Variants in KCNAB1 observed in about 807,000 individuals in gnomAD.
The protein encoded by KCNAB1 is potassium voltage-gated channel subfamily A regulatory beta subunit 1, also known as voltage-gated potassium channel subunit beta-1.
KCNAB1 carries 35 observed loss-of-function variants against 64.6 expected under a neutral mutation model. That is an observed-to-expected ratio of 0.54 (90% CI 0.41 to 0.72). KCNAB1 has a LOEUF of 0.72. Ranked by LOEUF, KCNAB1 falls within the 30% of genes least tolerant of loss-of-function variation. The pLI is 0.00. For missense variants in KCNAB1, 401 were observed against 512.9 expected, an observed-to-expected ratio of 0.78 and a Z score of 2.11; for synonymous variants, 177 against 183.8, an observed-to-expected ratio of 0.96 and a Z score of 0.30.
chr3:156,307,089 T>G (rs1292571361), intron 1 of KCNAB1, among the ~76,000 whole-genome samples: 1 of 152,250 alleles, frequency 6.6e-6, no homozygotes, highest in Non-Finnish European at 1.5e-5. Flanking sequence ...ACATGTCATA[T>G]GTCTTGCTAC....
At chr3:156,471,485 C>G (rs1308889136) in intron 7 of KCNAB1, among the ~76,000 whole-genome samples, 1 of 152,198 alleles carries the variant, frequency 6.6e-6, no homozygotes, top group Non-Finnish European at 1.5e-5. Flanking sequence ...TCCTGCTTCT[C>G]CTGTTTTCCT....
intron 1 of KCNAB1, among the ~76,000 whole-genome samples, chr3:156,410,044 A>T (rs1714536343): frequency 6.6e-6 from 1 of 152,222 alleles, no homozygotes; most frequent in African/African-American, 2.4e-5. Flanking sequence ...GAAAACAAAC[A>T]AAAAACAGAA....
intron 1 of KCNAB1, among the ~76,000 whole-genome samples, chr3:156,297,816 G>A (rs944314427): frequency 1.1e-4 from 16 of 151,974 alleles, no homozygotes; most frequent in South Asian, 2.1e-4. Context: ...GCAAGTCTCC[G>A]TATGGGGAAA....
chr3:156,397,285 C>T (rs935762797), intron 1 of KCNAB1, among the ~76,000 whole-genome samples: 8 of 152,272 alleles, frequency 5.3e-5, no homozygotes, highest in African/African-American at 1.7e-4. Flanking sequence ...ACATGTGTTG[C>T]TTATTGGGAG....
chr3:156,411,136 C>T (rs1714630061), intron 1 of KCNAB1, among the ~76,000 whole-genome samples: 1 of 152,076 alleles, frequency 6.6e-6, no homozygotes, highest in Admixed American at 6.6e-5. Context: ...CTTACACTTT[C>T]TAATAAGTAT....
intron 2 of KCNAB1, among the ~76,000 whole-genome samples, chr3:156,426,713 G>T (rs1715847088): frequency 6.6e-6 from 1 of 152,142 alleles, no homozygotes; most frequent in Non-Finnish European, 1.5e-5. Flanking sequence ...ATGTCATATA[G>T]TTGAATCATA....
chr3:156,501,542 G>A (rs145041272), intron 8 of KCNAB1, among the ~76,000 whole-genome samples: 35 of 147,462 alleles, frequency 2.4e-4, no homozygotes, highest in Non-Finnish European at 3.0e-4. Context: ...AGGGATTCTC[G>A]TGCCTGAGCC....
At chr3:156,443,762 ACACACACACACACACAC>A (rs1017502811) in intron 2 of KCNAB1, among the ~76,000 whole-genome samples, 2 of 151,258 alleles carry the variant, frequency 1.3e-5, no homozygotes, top group African/African-American at 4.9e-5. Flanking sequence ...ACACACACAC[ACACACACACACACACAC>A]ACTATTCTTT....
At chr3:156,425,984 A>G (rs1404383351) in intron 2 of KCNAB1, among the ~76,000 whole-genome samples, 1 of 152,120 alleles carries the variant, frequency 6.6e-6, no homozygotes, top group Non-Finnish European at 1.5e-5. Flanking sequence ...CTCCAGAGGG[A>G]GACTCCACCG....
chr3:156,417,399 C>G (rs940136654), intron 1 of KCNAB1, among the ~76,000 whole-genome samples: 12 of 152,158 alleles, frequency 7.9e-5, no homozygotes, highest in Admixed American at 7.9e-4. Flanking sequence ...CTGCTGGAGC[C>G]CCTTGCATAT....
chr3:156,120,501 G>C (rs1461170321), upstream of KCNAB1: 7 of 1,236,120 alleles, frequency 5.7e-6, no homozygotes, highest in Non-Finnish European at 8.1e-6. Context: ...GGCAGGATAA[G>C]GTTAAGAGAG....
chr3:156,278,212 A>G lies in KCNAB1; in HGVS notation c.276-143404A>G, dbSNP rs780137706. On this transcript the variant is annotated intron_variant, in intron 1 of 13. Coordinates refer to ENST00000490337, the MANE Select transcript of KCNAB1 (RefSeq NM_172160.3). ...TAATAATGGCTTTTCTCACCCGAAG[A>G]AGATGAACAAATTTGAACAGAAACA... Among the ~76,000 whole-genome samples the G allele has an allele frequency of 4.8e-4, 73 of 152,220 alleles. 1 individual carries two copies. The highest frequency in any genetic ancestry group is 1.5e-4 in the Non-Finnish European group (10 of 68,036).
intron 2 of KCNAB1, among the ~76,000 whole-genome samples, chr3:156,434,287 A>G (rs1356627238): frequency 6.6e-6 from 1 of 152,222 alleles, no homozygotes; most frequent in Non-Finnish European, 1.5e-5. Flanking sequence ...GAGGGTTGAG[A>G]ATAGAGGTGG....
intron 1 of KCNAB1, among the ~76,000 whole-genome samples, chr3:156,362,636 T>C (rs1725685666): frequency 1.3e-5 from 2 of 152,230 alleles, no homozygotes; most frequent in Admixed American, 1.3e-4. Context: ...CTTAGAACAG[T>C]GTGGGACACA....
chr3:156,457,453 G>T lies in KCNAB1; in HGVS notation c.358G>T (p.Val120Phe), dbSNP rs1712527651. Residue 120 changes from valine to phenylalanine, a missense_variant and splice_region_variant, in exon 4 of 14, where the codon GTT (valine) becomes TTT (phenylalanine). Coordinates refer to ENST00000490337, the MANE Select transcript of KCNAB1 (RefSeq NM_172160.3). ...GAGTGACCTTTCTCTCCCCTTGCAG[G>T]TTGCTGAACGGCTGATGACCATCGC... ...VTFGGQISDE[V>F]AERLMTIAYE... 6.2e-7 allele frequency: 1 copy of T among 1,613,806 alleles called. No homozygotes were observed. Among genetic ancestry groups the T allele is most frequent in the South Asian group, 1.1e-5 (1 of 91,064 alleles).
chr3:156,126,212 G>A (rs1292489250), intron 1 of KCNAB1, among the ~76,000 whole-genome samples: 2 of 152,158 alleles, frequency 1.3e-5, no homozygotes, highest in East Asian at 1.9e-4. Context: ...TTTCTTGCAG[G>A]CTGGATCTGG....
At chr3:156,504,742 G>GT (rs796618812) in intron 8 of KCNAB1, among the ~76,000 whole-genome samples, 4,692 of 81,224 alleles carry the variant, frequency 0.058, 184 homozygotes, top group African/African-American at 0.12. Flanking sequence ...TTTTGTTTTT[G>GT]TTTTTTTTGT....
chr3:156,162,252 A>ATT (rs5853743), intron 1 of KCNAB1, among the ~76,000 whole-genome samples: 129 of 150,500 alleles, frequency 8.6e-4, no homozygotes, highest in Middle Eastern at 3.4e-3. Context: ...TTTATACTGG[A>ATT]TTTTTTTTTT....
chr3:156,170,976 A>C (rs1711937363), intron 1 of KCNAB1, among the ~76,000 whole-genome samples: 1 of 152,132 alleles, frequency 6.6e-6, no homozygotes, highest in Admixed American at 6.5e-5. Context: ...CCAAAGACAA[A>C]TTTTTCAGTT....
Sources: gnomAD v4.1 joint callset for allele counts (sites outside exome capture counted in the v4.1 genomes callset) on GRCh38, gnomAD v4.1.1 for gene constraint, MANE v1.5 for transcripts, NCBI Gene and HGNC (gene_info 2026-07-23, HGNC 2026-07-21) for gene names.